Variants in RPAP1 observed in about 807,000 individuals in gnomAD.
RPAP1 encodes RNA polymerase II-associated protein 1.
RPAP1 carries 109 observed loss-of-function variants against 142.4 expected under a neutral mutation model. That is an observed-to-expected ratio of 0.77 (90% CI 0.66 to 0.90). RPAP1 has a LOEUF of 0.90. RPAP1 is among the 40% of genes least tolerant of loss of function. The pLI is 0.00. For synonymous variants in RPAP1, 704 were observed against 738.9 expected, an observed-to-expected ratio of 0.95 and a Z score of 0.77; for missense variants, 1,546 against 1,751.7, an observed-to-expected ratio of 0.88 and a Z score of 2.10.
chr15:41,543,487 A>G (rs2051990999), intron 1 of RPAP1, among the ~76,000 whole-genome samples: 1 of 152,090 alleles, frequency 6.6e-6, no homozygotes, highest in African/African-American at 2.4e-5. Context: ...TGCTGGGATT[A>G]CAGGCGTGAG....
rs1025861818 is a variant in RPAP1 at position 41,517,468 on chromosome 15, T to A, written c.*74A>T. The A allele has an allele frequency of 4.4e-6, 6 of 1,362,230 alleles. No individual in the cohort carries two copies. Among genetic ancestry groups the A allele is most frequent in the Middle Eastern group, 1.9e-4 (1 of 5,332 alleles). The allele number at this position is 1,362,230 out of a possible 1,614,324, so 84.4% of individuals were successfully genotyped here. On this transcript the variant is annotated 3_prime_UTR_variant, in exon 25 of 25. Transcript: ENST00000304330. ...TGCCTACCATTAGGACACAATGTTC[T>A]TCGTCTGGCCAGACATCTGTTGAAA...
At chr15:41,534,509 C>T (rs561665750) in intron 6 of RPAP1, among the ~76,000 whole-genome samples, 7 of 138,930 alleles carry the variant, frequency 5.0e-5, no homozygotes, top group Admixed American at 3.2e-4. Flanking sequence ...TTGCTTGAGC[C>T]GTGAAGGTGG....
At chr15:41,533,986 G>A (rs2051881818) in intron 6 of RPAP1, among the ~76,000 whole-genome samples, 1 of 151,896 alleles carries the variant, frequency 6.6e-6, no homozygotes, top group African/African-American at 2.4e-5. Flanking sequence ...GTTGGGTATG[G>A]TGGTGGGCAC....
At chr15:41,526,379 T>C (rs2051790766) in intron 14 of RPAP1, among the ~76,000 whole-genome samples, 1 of 152,240 alleles carries the variant, frequency 6.6e-6, no homozygotes, top group Admixed American at 6.5e-5. Flanking sequence ...ACCGAGTAGC[T>C]GAGACTACAG....
chr15:41,543,335 G>A (rs919001420), intron 1 of RPAP1, among the ~76,000 whole-genome samples: 7 of 150,506 alleles, frequency 4.7e-5, no homozygotes, highest in African/African-American at 9.8e-5. Context: ...TCAGGCTCCC[G>A]AGTAGCTGGG....
At chr15:41,543,201 CTTTTTTTTTTT>C (rs71104794) in intron 1 of RPAP1, among the ~76,000 whole-genome samples, 22 of 78,938 alleles carry the variant, frequency 2.8e-4, no homozygotes, top group Non-Finnish European at 4.3e-4. Flanking sequence ...CAATGCTGTC[CTTTTTTTTTTT>C]TTTTTTTTTT....
At chr15:41,536,835 G>A in intron 2 of RPAP1, 110 bp downstream of exon 2, 1 of 1,400,536 alleles carries the variant, frequency 7.1e-7, no homozygotes. Context: ...CACAGGCTAT[G>A]CAGTGTCTGA....
chr15:41,526,575 G>C (rs1290756560), intron 14 of RPAP1, among the ~76,000 whole-genome samples: 1 of 152,160 alleles, frequency 6.6e-6, no homozygotes, highest in African/African-American at 2.4e-5. Context: ...AGCAAGGCTT[G>C]CTGGGCACCT....
intron 22 of RPAP1, among the ~76,000 whole-genome samples, chr15:41,519,438 T>G (rs1185622960): frequency 1.3e-5 from 2 of 151,938 alleles, no homozygotes; most frequent in African/African-American, 2.4e-5. Flanking sequence ...CTCAAACTCT[T>G]GACCTCAAAT....
At chr15:41,538,432 G>A (rs369461313) in intron 1 of RPAP1, among the ~76,000 whole-genome samples, 1 of 152,122 alleles carries the variant, frequency 6.6e-6, no homozygotes, top group East Asian at 1.9e-4. Flanking sequence ...TCTCAAGTTA[G>A]GCACTCAAGC....
rs2051826639 is a variant in RPAP1 at position 41,529,493 on chromosome 15, G to A, written c.1135C>T (p.His379Tyr). ...ACCTCTGCCTCCTCTCCATGGTGGT[G>A]CAGACCCAGGTGGGTGGGCAGGTCC... Reference protein sequence around the residue: ...DVDLPTHLGLHHHGEEAERAG... With the variant: ...DVDLPTHLGLYHHGEEAERAG... Residue 379 changes from histidine (H) to tyrosine (Y), a missense_variant, in exon 9 of 25, where the codon CAC becomes TAC. This residue lies in a region of RPAP1 where 1,333 missense variants were observed against 1,486.6 expected (regional missense o/e 0.90). Coordinates refer to ENST00000304330, the MANE Select transcript of RPAP1 (RefSeq NM_015540.4). 1 of 1,613,014 alleles carries A rather than the reference G, an allele frequency of 6.2e-7. No individual in the cohort carries two copies. The highest frequency in any genetic ancestry group is 1.7e-5 in the Admixed American group (1 of 59,940).
At chr15:41,527,332 A>C (rs747966705) in intron 12 of RPAP1, 31 bp from the exon 13 acceptor site, 27 of 1,613,786 alleles carry the variant, frequency 1.7e-5, no homozygotes, top group Non-Finnish European at 2.2e-5. Context: ...CCCACTGACA[A>C]ATGCAGCTGG....
At chr15:41,530,755 C>T (rs933723372) in intron 7 of RPAP1, among the ~76,000 whole-genome samples, 3 of 152,050 alleles carry the variant, frequency 2.0e-5, no homozygotes, top group Non-Finnish European at 2.9e-5. Flanking sequence ...CTGCCGGGAG[C>T]GGGTGGAGTG....
At chr15:41,526,875 C>T (rs2051796028) in intron 14 of RPAP1, 23 bp downstream of exon 14, 3 of 1,590,952 alleles carry the variant, frequency 1.9e-6, no homozygotes, top group Non-Finnish European at 2.6e-6. Flanking sequence ...ATTCCCCCAT[C>T]CCTTGCCCTG....
chr15:41,524,963 G>C (rs964337746), intron 15 of RPAP1, 28 bp downstream of exon 15: 9 of 1,609,600 alleles, frequency 5.6e-6, no homozygotes, highest in South Asian at 1.1e-5. Flanking sequence ...AGGTGTCTAG[G>C]GGGAGCCTAC....
chr15:41,525,923 G>A (rs1456399582), intron 14 of RPAP1, among the ~76,000 whole-genome samples: 1 of 151,476 alleles, frequency 6.6e-6, no homozygotes, highest in East Asian at 1.9e-4. Context: ...CAAAGTGCTG[G>A]GATTACAGGT....
At position 41,522,786 on chromosome 15, in the gene RPAP1, G is replaced by C; in HGVS notation, c.2721C>G (p.Ile907Met). Residue 907 changes from isoleucine (I) to methionine (M), a missense_variant, in exon 19 of 25, where the codon ATC (isoleucine) becomes ATG (methionine). Around this residue, in one of 3 missense-constraint regions of RPAP1, gnomAD observed 1,333 missense variants for 1,486.6 expected, o/e 0.90. Coordinates refer to ENST00000304330, the MANE Select transcript of RPAP1 (RefSeq NM_015540.4). ...LLSLLNTLAQ[I>M]HKGLCGQLAA... is the part of the protein sequence containing the mutation. Reference sequence around the variant, plus strand: ...TTACCTGGCCACACAGCCCCTTGTGGATCTGGGCCAGGGTATTAAGAAGAG... The same window carrying C: ...TTACCTGGCCACACAGCCCCTTGTGCATCTGGGCCAGGGTATTAAGAAGAG... The C allele has an allele frequency of 6.4e-7, 1 of 1,567,252 alleles. No individual in the cohort carries two copies. Among genetic ancestry groups the C allele is most frequent in the African/African-American group, 1.4e-5 (1 of 71,854 alleles).
At chr15:41,531,337 C>T in intron 6 of RPAP1, 135 bp from the exon 7 acceptor site, 3 of 852,964 alleles carry the variant, frequency 3.5e-6, no homozygotes, top group Non-Finnish European at 5.3e-6. Context: ...TGGGCCTGAG[C>T]CTTCTGGGTG....
chr15:41,522,682 G>A (rs375723239), intron 19 of RPAP1, 83 bp downstream of exon 19: 52 of 837,860 alleles, frequency 6.2e-5, no homozygotes, highest in Admixed American at 3.5e-4. Flanking sequence ...GAGCCACCGC[G>A]CCCATCCCAC....
Sources: allele counts gnomAD v4.1 joint callset (sites outside exome capture counted in the v4.1 genomes callset), GRCh38; gene constraint gnomAD v4.1.1; regional missense constraint gnomAD v4.1.1; transcripts MANE v1.5; gene names NCBI Gene and HGNC (gene_info 2026-07-23, HGNC 2026-07-21).